Variants in CEP63 observed in about 807,000 individuals in gnomAD.
CEP63 encodes the protein centrosomal protein 63.
CEP63 carries 84 observed loss-of-function variants against 89.1 expected under a neutral mutation model. The ratio of observed to expected loss-of-function variants is 0.94; its 90% CI spans 0.79 to 1.13. The LOEUF is 1.13. Among genes scored for constraint, CEP63 ranks in the 50% most tolerant of loss-of-function variants. The probability of loss-of-function intolerance (pLI) is 0.00; values close to 1 mark genes in which losing one functional copy is unlikely to be tolerated. For synonymous variants in CEP63, 267 were observed against 272.5 expected (o/e 0.98, Z 0.20); for missense variants, 838 against 813.3 (o/e 1.03, Z -0.37).
chr3:134,638,290 A>T, the CEP63 span, among the ~76,000 whole-genome samples: 111 of 152,370 alleles, frequency 7.3e-4, no homozygotes, highest in Middle Eastern at 3.4e-3. Context: ...GATCAAATAA[A>T]ACTCTTAATT....
chr3:134,688,778 G>C, the CEP63 span, among the ~76,000 whole-genome samples: 1 of 152,180 alleles, frequency 6.6e-6, no homozygotes, highest in African/African-American at 2.4e-5. Context: ...AAGGCAAATG[G>C]CTGAGACCAT....
the CEP63 span, chr3:134,628,096 T>G: frequency 6.5e-6 from 3 of 460,704 alleles, no homozygotes; most frequent in Admixed American, 1.1e-4. Flanking sequence ...CCTAACACTT[T>G]GGGTGATTCA....
intron 10 of CEP63, among the ~76,000 whole-genome samples, chr3:134,581,109 A>G (rs952718450): frequency 2.6e-5 from 4 of 152,160 alleles, no homozygotes; most frequent in African/African-American, 9.7e-5. Flanking sequence ...AAAAATACAA[A>G]AACTAATTCT....
At chr3:134,657,698 G>A in the CEP63 span, among the ~76,000 whole-genome samples, 1 of 152,074 alleles carries the variant, frequency 6.6e-6, no homozygotes, top group African/African-American at 2.4e-5. Context: ...GAATTACTGA[G>A]TCAAAGACTA....
At position 134,513,088 on chromosome 3, in the gene CEP63, C is replaced by T. The variant is rs569723056; in HGVS notation, c.222+5802C>T. 1.5e-3 allele frequency among the ~76,000 whole-genome samples: 231 copies of T among 152,296 alleles called. 1 individual carries two copies. Among genetic ancestry groups the T allele is most frequent in the Middle Eastern group, 0.014 (4 of 294 alleles). On this transcript the variant is annotated intron_variant, in intron 3 of 14. Coordinates refer to ENST00000675561, the MANE Select transcript of CEP63 (RefSeq NM_001353108.3). ...TTCTTTTCCCTGTGAAGACATCTCTCCTGGAGCTTGCCATTCTCCACCGTG... is the reference window on the plus strand; with the variant it reads ...TTCTTTTCCCTGTGAAGACATCTCTTCTGGAGCTTGCCATTCTCCACCGTG...
At chr3:134,736,605 G>A in the CEP63 span, among the ~76,000 whole-genome samples, 1 of 152,108 alleles carries the variant, frequency 6.6e-6, no homozygotes, top group Non-Finnish European at 1.5e-5. Context: ...CTAAGAACAA[G>A]TGTTTGTGAC....
chr3:134,610,435 C>T, the CEP63 span: 1 of 1,501,106 alleles, frequency 6.7e-7, no homozygotes, highest in Non-Finnish European at 9.1e-7. Flanking sequence ...GGCTTGCCTC[C>T]AAGTCTGTCC....
Position 134,507,292 on chromosome 3 carries a change from G to C in CEP63, c.222+6G>C. 3 of 1,599,482 alleles carry C rather than the reference G, an allele frequency of 1.9e-6. No individual in the cohort carries two copies. The highest frequency in any genetic ancestry group is 1.7e-6 in the Non-Finnish European group (2 of 1,168,534). On this transcript the variant is annotated splice_donor_region_variant and intron_variant, in intron 3 of 14. Coordinates refer to ENST00000675561, the MANE Select transcript of CEP63 (RefSeq NM_001353108.3). ...TGGATGTGACACATAAGGAGGTAAA[G>C]CAATTTATTTGTTCTTCTTTTTGAC... is the stretch of plus-strand genomic sequence containing the variant.
chr3:134,536,914 G>A (rs920938230), intron 5 of CEP63: 7 of 486,124 alleles, frequency 1.4e-5, no homozygotes, highest in Non-Finnish European at 2.3e-5. Context: ...ACATCTGCGT[G>A]TCATACTCCT....
At chr3:134,651,393 C>G in the CEP63 span, 1 of 1,093,070 alleles carries the variant, frequency 9.1e-7, no homozygotes, top group Non-Finnish European at 1.1e-6. Flanking sequence ...TGGAGCCGAC[C>G]TCCCACGAGA....
chr3:134,748,402 G>A, the CEP63 span, among the ~76,000 whole-genome samples: 1 of 151,798 alleles, frequency 6.6e-6, no homozygotes, highest in Non-Finnish European at 1.5e-5. Flanking sequence ...TTCTACACAT[G>A]ATAAAACTGT....
At chr3:134,491,454 AC>A (rs1375761815) in intron 1 of CEP63, among the ~76,000 whole-genome samples, 14 of 152,320 alleles carry the variant, frequency 9.2e-5, no homozygotes, top group African/African-American at 3.1e-4. Context: ...TGGGTAATTA[AC>A]CGTTTGTGGT....
downstream of CEP63, among the ~76,000 whole-genome samples, chr3:134,576,548 G>A (rs114627395): frequency 6.9e-3 from 1,057 of 152,338 alleles, 9 homozygotes; most frequent in African/African-American, 0.023. Flanking sequence ...GACTGAGAGC[G>A]GAGAGGTAGG....
At chr3:134,701,487 T>C in the CEP63 span, among the ~76,000 whole-genome samples, 188 of 148,514 alleles carry the variant, frequency 1.3e-3, no homozygotes, top group Middle Eastern at 0.025. Context: ...CATATATATA[T>C]ACATACACAT....
chr3:134,644,739 C>A, the CEP63 span, among the ~76,000 whole-genome samples: 1 of 152,200 alleles, frequency 6.6e-6, no homozygotes, highest in Non-Finnish European at 1.5e-5. Flanking sequence ...CATGCAGAAG[C>A]CAATCAAGGT....
chr3:134,520,122 A>C (rs9989967), intron 3 of CEP63, among the ~76,000 whole-genome samples: 96,363 of 151,884 alleles, frequency 0.63, 31,269 homozygotes, highest in East Asian at 0.81. Flanking sequence ...AGACATAAGG[A>C]TTAGAGAGGA....
intron 6 of CEP63, among the ~76,000 whole-genome samples, chr3:134,540,764 A>T (rs200784678): frequency 6.7e-5 from 9 of 133,374 alleles, no homozygotes; most frequent in Non-Finnish European, 9.5e-5. Flanking sequence ...TTGTTTTAGG[A>T]TTTTTTTTTT....
the CEP63 span, among the ~76,000 whole-genome samples, chr3:134,700,450 G>T: frequency 6.6e-6 from 1 of 152,164 alleles, no homozygotes; most frequent in East Asian, 1.9e-4. Flanking sequence ...AAAACAGCAG[G>T]TTCCTATCCC....
chr3:134,674,371 A>C, the CEP63 span, among the ~76,000 whole-genome samples: 1 of 152,258 alleles, frequency 6.6e-6, no homozygotes, highest in Non-Finnish European at 1.5e-5. Flanking sequence ...AGGAAAAAGC[A>C]TTTGACAAAA....
Sources: gnomAD v4.1 joint callset for allele counts (sites outside exome capture counted in the v4.1 genomes callset) on GRCh38, gnomAD v4.1.1 for gene constraint, MANE v1.5 for transcripts, NCBI Gene and HGNC (gene_info 2026-07-23, HGNC 2026-07-21) for gene names.